Variants in ARFGEF3 observed in about 807,000 individuals in gnomAD.
ARFGEF3 encodes brefeldin A-inhibited guanine nucleotide-exchange protein 3.
Under a neutral mutation model 221.7 loss-of-function variants are expected in ARFGEF3, and 96 were observed. The ratio of observed to expected loss-of-function variants is 0.43; its 90% CI spans 0.37 to 0.51. The LOEUF is 0.51. ARFGEF3 is among the 20% of genes least tolerant of loss of function. The pLI, the probability that ARFGEF3 is intolerant of heterozygous loss-of-function variation, is 0.00. For missense variants in ARFGEF3, 2,410 were observed against 2,789.9 expected (o/e 0.86, Z 3.07); for synonymous variants, 1,145 against 1,126.8 (o/e 1.02, Z -0.32).
At chr6:138,213,496 A>G (rs1470992221) in intron 4 of ARFGEF3, among the ~76,000 whole-genome samples, 1 of 151,812 alleles carries the variant, frequency 6.6e-6, no homozygotes, top group Non-Finnish European at 1.5e-5. Context: ...CTTGCTATAC[A>G]GTAGAGCTCC....
At chr6:138,296,510 G>A (rs73568903) in intron 20 of ARFGEF3, among the ~76,000 whole-genome samples, 112 of 152,152 alleles carry the variant, frequency 7.4e-4, no homozygotes, top group African/African-American at 2.5e-3. Flanking sequence ...GAATCCAGAC[G>A]GTCGGACTTC....
chr6:138,232,466 G>A (rs1385406014), intron 5 of ARFGEF3, among the ~76,000 whole-genome samples: 1 of 152,062 alleles, frequency 6.6e-6, no homozygotes, highest in Admixed American at 6.6e-5. Flanking sequence ...CATTGGAAAG[G>A]TTTTTTATAC....
intron 4 of ARFGEF3, among the ~76,000 whole-genome samples, chr6:138,225,388 T>C (rs1424472172): frequency 6.6e-6 from 1 of 152,226 alleles, no homozygotes. Flanking sequence ...TTTCCCTCCC[T>C]TTTCTCTCCA....
At chr6:138,250,251 C>G (rs1250187481) in intron 8 of ARFGEF3, among the ~76,000 whole-genome samples, 1 of 152,144 alleles carries the variant, frequency 6.6e-6, no homozygotes, top group Non-Finnish European at 1.5e-5. Context: ...CAGAACACTC[C>G]CTCGCATGCC....
intron 2 of ARFGEF3, among the ~76,000 whole-genome samples, chr6:138,203,042 A>G (rs540922090): frequency 6.6e-6 from 1 of 152,060 alleles, no homozygotes; most frequent in East Asian, 1.9e-4. Context: ...TCTTTACCCT[A>G]AGGATAGGGA....
chr6:138,219,263 G>A (rs1777934364), intron 4 of ARFGEF3, among the ~76,000 whole-genome samples: 1 of 152,026 alleles, frequency 6.6e-6, no homozygotes, highest in Non-Finnish European at 1.5e-5. Context: ...TCTTGGTAGA[G>A]AAAAAAAGTC....
At chr6:138,181,847 A>G (rs1032003062) in intron 2 of ARFGEF3, among the ~76,000 whole-genome samples, 1 of 152,060 alleles carries the variant, frequency 6.6e-6, no homozygotes, top group Non-Finnish European at 1.5e-5. Context: ...TTAGTCCCAA[A>G]TTTCCTGCTT....
intron 8 of ARFGEF3, among the ~76,000 whole-genome samples, chr6:138,251,658 C>A (rs1778586140): frequency 6.6e-6 from 1 of 152,074 alleles, no homozygotes; most frequent in Non-Finnish European, 1.5e-5. Context: ...GTGCTTTAGC[C>A]ACAAACCTCT....
intron 22 of ARFGEF3, among the ~76,000 whole-genome samples, chr6:138,299,143 A>C (rs955465003): frequency 2.9e-5 from 4 of 138,866 alleles, no homozygotes; most frequent in Non-Finnish European, 4.6e-5. Context: ...GGTTGCAGTG[A>C]GCCCAGATCA....
intron 3 of ARFGEF3, 58 bp from the exon 4 acceptor site, chr6:138,209,852 C>T: frequency 6.3e-7 from 1 of 1,589,006 alleles, no homozygotes; most frequent in East Asian, 2.3e-5. Flanking sequence ...TAAGATACAA[C>T]CAAATAAGGC....
rs549915422 is a variant in ARFGEF3, at chr6:138,228,172, A to ATTT, written c.352-1592_352-1590dup. ...TCTCAATCGCCATGGCACTGAGACA[A>ATTT]TTTTTTTTTTTTTTTTTTTTTTGAG... On this transcript the variant is annotated intron_variant, in intron 4 of 33. Coordinates refer to ENST00000251691, the MANE Select transcript of ARFGEF3 (RefSeq NM_020340.5). Among the ~76,000 whole-genome samples, 371 of 106,386 alleles carry ATTT rather than the reference A, an allele frequency of 3.5e-3. 3 individuals are homozygous for ATTT. The highest frequency in any genetic ancestry group is 5.1e-3 in the Non-Finnish European group (277 of 54,402). 69.8% of individuals were successfully genotyped at this position (106,386 alleles called of 152,430 possible). A position where few individuals can be genotyped will look rare whatever the true frequency, so the allele number is the denominator to read the frequency against.
chr6:138,188,056 C>T (rs2114462035), intron 2 of ARFGEF3, among the ~76,000 whole-genome samples: 1 of 152,262 alleles, frequency 6.6e-6, no homozygotes, highest in African/African-American at 2.4e-5. Context: ...GTTTATAATA[C>T]TTGAGTATTT....
rs377139969 is a variant in ARFGEF3 at position 138,209,960 on chromosome 6, G to A, written c.270G>A (p.Glu90=). ...RFVSMETDSD[E]KQLLNQILNA... The stretch of plus-strand genomic sequence containing the variant: ...TATCCATGGAAACAGATTCTGATGA[G>A]AAGCAGCTGCTCAATCAGATACTGA... Residue 90 remains glutamate (E), a synonymous_variant, in exon 4 of 34, where the codon GAG becomes GAA. Coordinates refer to ENST00000251691, the MANE Select transcript of ARFGEF3 (RefSeq NM_020340.5). The A allele has an allele frequency of 3.7e-6, 6 of 1,613,732 alleles. No homozygotes were observed. The highest frequency in any genetic ancestry group is 5.1e-6 in the Non-Finnish European group (6 of 1,179,766).
At chr6:138,245,916 T>C (rs1443124982) in intron 8 of ARFGEF3, among the ~76,000 whole-genome samples, 1 of 152,172 alleles carries the variant, frequency 6.6e-6, no homozygotes, top group Non-Finnish European at 1.5e-5. Flanking sequence ...GAGCCAGTCC[T>C]GTCTCAGCCA....
At chr6:138,256,292 G>GT (rs1778679466) in intron 10 of ARFGEF3, among the ~76,000 whole-genome samples, 1 of 152,134 alleles carries the variant, frequency 6.6e-6, no homozygotes, top group Non-Finnish European at 1.5e-5. Flanking sequence ...CCATCCCAGT[G>GT]TGCTACTTCA....
chr6:138,185,368 C>T (rs895592759), intron 2 of ARFGEF3, among the ~76,000 whole-genome samples: 4 of 152,054 alleles, frequency 2.6e-5, no homozygotes, highest in Admixed American at 6.6e-5. Flanking sequence ...GTTTAGGACA[C>T]GGAGGGAATT....
intron 2 of ARFGEF3, among the ~76,000 whole-genome samples, chr6:138,181,859 C>G (rs1009241966): frequency 6.6e-6 from 1 of 152,156 alleles, no homozygotes; most frequent in Non-Finnish European, 1.5e-5. Flanking sequence ...TTCCTGCTTT[C>G]GTTTCAAACT....
At chr6:138,170,531 A>G in intron 1 of ARFGEF3, 131 bp from the exon 2 acceptor site, 1 of 597,308 alleles carries the variant, frequency 1.7e-6, no homozygotes, top group Non-Finnish European at 3.0e-6. Context: ...ACTTGCATGC[A>G]GATAGTTGAG....
intron 1 of ARFGEF3, among the ~76,000 whole-genome samples, chr6:138,166,817 G>A (rs1388060112): frequency 5.9e-5 from 9 of 152,278 alleles, no homozygotes; most frequent in East Asian, 3.9e-4. Context: ...CTAGAGGTAC[G>A]AAGGCCAAGT....
Sources: allele counts gnomAD v4.1 joint callset (sites outside exome capture counted in the v4.1 genomes callset), GRCh38; gene constraint gnomAD v4.1.1; transcripts MANE v1.5; gene names NCBI Gene and HGNC (gene_info 2026-07-23, HGNC 2026-07-21).